MGA: variants seen among roughly 807,000 people sequenced by gnomAD.
MGA encodes the protein MAX dimerization protein MGA.
A neutral mutation model predicts 261.1 loss-of-function variants in MGA; 40 were observed. The observed-to-expected ratio is 0.15, with a 90% CI of 0.12 to 0.20. The LOEUF (loss-of-function observed/expected upper bound fraction) is 0.20. Ranked by LOEUF, MGA falls within the 10% of genes least tolerant of loss-of-function variation. MGA has a pLI of 1.00. For missense variants in MGA, 3,397 were observed against 3,630.5 expected (o/e 0.94, Z 1.65); for synonymous variants, 1,302 against 1,290.6 (o/e 1.01, Z -0.19).
chr15:41,712,904 A>T (rs4924573), intron 8 of MGA, among the ~76,000 whole-genome samples: 23,117 of 152,168 alleles, frequency 0.15, 2,643 homozygotes, highest in East Asian at 0.68. Flanking sequence ...TTAGAACATT[A>T]TGTATAATTT....
At chr15:41,648,726 T>C (rs1005057152) in intron 1 of MGA, among the ~76,000 whole-genome samples, 15 of 152,130 alleles carry the variant, frequency 9.9e-5, no homozygotes, top group African/African-American at 3.6e-4. Context: ...TGATGTGTTA[T>C]GGGGAGAATG....
intron 2 of MGA, among the ~76,000 whole-genome samples, chr15:41,683,905 C>G (rs996732430): frequency 2.6e-5 from 4 of 151,650 alleles, no homozygotes; most frequent in Non-Finnish European, 4.4e-5. Context: ...GTTTTTTTTC[C>G]CTTTCCTTTT....
chr15:41,678,879 G>GT (rs1174528114), intron 2 of MGA, among the ~76,000 whole-genome samples: 1 of 151,876 alleles, frequency 6.6e-6, no homozygotes, highest in Admixed American at 6.6e-5. Flanking sequence ...TCAGCTCTCT[G>GT]TATTCTGTTC....
intron 1 of MGA, among the ~76,000 whole-genome samples, chr15:41,646,703 C>CT (rs1357054571): frequency 6.6e-6 from 1 of 151,936 alleles, no homozygotes; most frequent in East Asian, 2.0e-4. Flanking sequence ...GAACGAGACT[C>CT]TGTCACCCCC....
Position 41,736,664 on chromosome 15 carries a change from G to T in MGA, c.4400G>T (p.Arg1467Leu). Residue 1467 changes from arginine (R) to leucine (L), a missense_variant, in exon 13 of 24, where the codon CGT becomes CTT. This residue lies in a region of MGA where 1,410 missense variants were observed against 1,386.4 expected (regional missense o/e 1.02). Transcript: ENST00000219905. ...GCAGGGAAGCTTGTGGCCTATAAAC[G>T]TAAACCCAGTTCAAGTACATCTGGG... The T allele has an allele frequency of 2.5e-6, 4 of 1,612,774 alleles. No individual in the cohort carries two copies. The highest frequency in any genetic ancestry group is 1.3e-5 in the African/African-American group (1 of 74,972).
intron 15 of MGA, among the ~76,000 whole-genome samples, chr15:41,748,368 C>T (rs1002090508): frequency 6.6e-6 from 1 of 152,306 alleles, no homozygotes; most frequent in South Asian, 2.1e-4. Flanking sequence ...GCCTCACCAA[C>T]ATGGTGAAAC....
chr15:41,715,830 G>A (rs1278319810), intron 9 of MGA, among the ~76,000 whole-genome samples: 2 of 152,126 alleles, frequency 1.3e-5, no homozygotes, highest in Non-Finnish European at 2.9e-5. Flanking sequence ...GAAGCATAGT[G>A]TAGATTTATT....
rs2063860299 is a variant in MGA, at chr15:41,767,501, G to C, written c.*221G>C. On this transcript the variant is annotated 3_prime_UTR_variant, in exon 24 of 24. Transcript: ENST00000219905. The stretch of plus-strand genomic sequence containing the variant: ...TGTGTTACCTCACTTGTGGTGCTGG[G>C]TCCCCTCATCCTCTCTAAGAAGATG... 4 of 569,676 alleles carry C rather than the reference G, an allele frequency of 7.0e-6. No homozygotes were observed. The highest frequency in any genetic ancestry group is 9.4e-4 in the Middle Eastern group (2 of 2,124). The allele number at this position is 569,676 out of a possible 1,614,324, so 35.3% of individuals were successfully genotyped here.
intron 8 of MGA, among the ~76,000 whole-genome samples, chr15:41,712,582 A>G (rs2060442868): frequency 6.6e-6 from 1 of 152,222 alleles, no homozygotes; most frequent in Admixed American, 6.5e-5. Context: ...ACTGAAGATC[A>G]TCAGATGTTG....
upstream of MGA, among the ~76,000 whole-genome samples, chr15:41,657,013 T>C (rs1237069310): frequency 6.6e-6 from 1 of 152,078 alleles, no homozygotes; most frequent in Non-Finnish European, 1.5e-5. Context: ...GTTCATGCGA[T>C]CCACCTGCCT....
chr15:41,678,014 A>G (rs1043402391), intron 2 of MGA, among the ~76,000 whole-genome samples: 2 of 151,912 alleles, frequency 1.3e-5, no homozygotes, highest in African/African-American at 4.8e-5. Context: ...CTAACATTAG[A>G]AAGAGTTTCC....
Position 41,711,425 on chromosome 15 carries a change from TG to T in MGA, c.3084+78del, listed in dbSNP as rs1467729636. ...CGAGGTTAGTGAGGGGAAATGGGAA[TG>T]GTACTTTTTGGCAGGGTGATCAGCT... On this transcript the variant is annotated intron_variant, in intron 8 of 23. Transcript: ENST00000219905. The T allele has an allele frequency of 5.0e-6, 7 of 1,400,734 alleles. No homozygotes were observed. In the East Asian group the frequency reaches 1.6e-4, roughly 32 times the overall value. The allele number at this position is 1,400,734 out of a possible 1,614,324, so 86.8% of individuals were successfully genotyped here.
At chr15:41,660,752 C>G (rs921345352) in intron 1 of MGA, among the ~76,000 whole-genome samples, 3 of 152,182 alleles carry the variant, frequency 2.0e-5, no homozygotes, top group Non-Finnish European at 4.4e-5. Flanking sequence ...GCCTCACTTC[C>G]GCGTCGCTCA....
intron 1 of MGA, among the ~76,000 whole-genome samples, chr15:41,634,266 C>T (rs2056654412): frequency 1.3e-5 from 2 of 152,178 alleles, no homozygotes; most frequent in Non-Finnish European, 2.9e-5. Context: ...TAGTACCTAG[C>T]AAGCACAAAG....
chr15:41,704,167 C>G (rs1038920409), intron 5 of MGA, among the ~76,000 whole-genome samples: 2 of 152,028 alleles, frequency 1.3e-5, no homozygotes, highest in African/African-American at 2.4e-5. Flanking sequence ...GAACTGTCTT[C>G]CTCTTCCTTT....
chr15:41,750,875 A>G, intron 17 of MGA: 1 of 294,024 alleles, frequency 3.4e-6, no homozygotes, highest in Non-Finnish European at 6.3e-6. Flanking sequence ...GAGAGTCCCT[A>G]CCGAGTTAGA....
At chr15:41,672,084 G>C (rs1315325029) in intron 2 of MGA, among the ~76,000 whole-genome samples, 1 of 152,224 alleles carries the variant, frequency 6.6e-6, no homozygotes, top group Admixed American at 6.5e-5. Context: ...ACCGTTGGAT[G>C]ATGCAGAATT....
chr15:41,767,204 A>G lies in MGA; in HGVS notation c.9122A>G (p.Lys3041Arg), dbSNP rs369386430. The change falls in exon 24 of 24, where the codon AAG becomes AGG. Residue 3041 changes from lysine (K) to arginine (R), a missense_variant. By Grantham distance (26) the Lys-to-Arg change is conservative. This residue lies in a region of MGA where 647 missense variants were observed against 642.4 expected (regional missense o/e 1.01). Transcript: ENST00000219905. The stretch of plus-strand genomic sequence containing the variant: ...AATGACCAGGAAGGCCGGGAAAGCA[A>G]GGTGATGCCTACATTGGCACCTGTT... 4.0e-5 allele frequency: 65 copies of G among 1,614,054 alleles called. No homozygotes were observed. The highest frequency in any genetic ancestry group is 6.7e-5 in the Admixed American group (4 of 60,026).
At chr15:41,695,229 C>T (rs949227524) in intron 2 of MGA, among the ~76,000 whole-genome samples, 1 of 149,794 alleles carries the variant, frequency 6.7e-6, no homozygotes, top group South Asian at 2.1e-4. Context: ...CTTGCTCTGT[C>T]GCCAGGCTGG....
Sources: allele counts gnomAD v4.1 joint callset (sites outside exome capture counted in the v4.1 genomes callset), GRCh38; gene constraint gnomAD v4.1.1; regional missense constraint gnomAD v4.1.1; transcripts MANE v1.5; gene names NCBI Gene and HGNC (gene_info 2026-07-23, HGNC 2026-07-21).